Variants in BAZ2B observed in about 807,000 individuals in gnomAD.
The protein encoded by BAZ2B is bromodomain adjacent to zinc finger domain protein 2B.
Under a neutral mutation model 246.0 loss-of-function variants are expected in BAZ2B, and 91 were observed. The ratio of observed to expected loss-of-function variants is 0.37; its 90% CI spans 0.31 to 0.44. The LOEUF is 0.44. BAZ2B is among the 20% of genes least tolerant of loss of function. BAZ2B has a pLI of 1.00. For missense variants in BAZ2B, 2,332 were observed against 2,533.7 expected, an observed-to-expected ratio of 0.92 and a Z score of 1.71; for synonymous variants, 855 against 860.0, an observed-to-expected ratio of 0.99 and a Z score of 0.10.
chr2:159,562,633 T>C (rs1016094367), intron 1 of BAZ2B, among the ~76,000 whole-genome samples: 3 of 152,214 alleles, frequency 2.0e-5, no homozygotes, highest in Admixed American at 2.0e-4. Flanking sequence ...GAAGTTTCAT[T>C]TGAGAAAAAT....
At chr2:159,574,335 A>AAAAC (rs143656549) in intron 1 of BAZ2B, among the ~76,000 whole-genome samples, 1 of 151,630 alleles carries the variant, frequency 6.6e-6, no homozygotes, top group Non-Finnish European at 1.5e-5. Flanking sequence ...GAATGGCTAA[A>AAAAC]AAACAAACAA....
chr2:159,378,458 C>T (rs1031105709), intron 25 of BAZ2B, among the ~76,000 whole-genome samples: 1 of 152,042 alleles, frequency 6.6e-6, no homozygotes, highest in Non-Finnish European at 1.5e-5. Flanking sequence ...AGACAAGTGG[C>T]ACTATATCAA....
chr2:159,684,432 T>TA, the BAZ2B span, among the ~76,000 whole-genome samples: 32 of 152,328 alleles, frequency 2.1e-4, no homozygotes, highest in East Asian at 5.8e-3. Context: ...AAATAAAAAC[T>TA]AAATTATTTA....
chr2:159,420,666 G>A (rs1460943121), intron 13 of BAZ2B, among the ~76,000 whole-genome samples: 2 of 151,986 alleles, frequency 1.3e-5, no homozygotes, highest in Non-Finnish European at 2.9e-5. Flanking sequence ...TTATTTTGAC[G>A]CCTTCCTCTA....
chr2:159,400,115 C>T (rs2149729559), intron 17 of BAZ2B, among the ~76,000 whole-genome samples: 1 of 152,214 alleles, frequency 6.6e-6, no homozygotes, highest in South Asian at 2.1e-4. Flanking sequence ...TTTGCTGTTG[C>T]CAACAGATGT....
At chr2:159,438,774 A>C in intron 7 of BAZ2B, 79 bp from the exon 8 acceptor site, 2 of 1,467,012 alleles carry the variant, frequency 1.4e-6, no homozygotes, top group Non-Finnish European at 9.1e-7. Context: ...TGGAGATAAA[A>C]ACGGGTACTT....
chr2:159,534,976 A>G (rs2151341770), intron 2 of BAZ2B, among the ~76,000 whole-genome samples: 1 of 152,332 alleles, frequency 6.6e-6, no homozygotes, highest in East Asian at 1.9e-4. Flanking sequence ...TAAAAAAGGG[A>G]AAAGTTAACT....
At chr2:159,408,665 T>G (rs1334133857) in intron 14 of BAZ2B, among the ~76,000 whole-genome samples, 16 of 152,192 alleles carry the variant, frequency 1.1e-4, no homozygotes, top group Admixed American at 1.0e-3. Flanking sequence ...ACGTCTGTAA[T>G]CCCAGCACTT....
At position 159,349,952 on chromosome 2, in the gene BAZ2B, T is replaced by C. The variant is rs368427407; in HGVS notation, c.4619A>G (p.Tyr1540Cys). 12 of 1,614,090 alleles carry C rather than the reference T, an allele frequency of 7.4e-6. No individual in the cohort carries two copies. The African/African-American group carries it at 1.2e-4, about 16-fold the overall frequency. ...TAACTGGTCATTGGGGAGAGGACTG[T>C]AGAACTTCCCTGGACCACTTGAACC... is the stretch of plus-strand genomic sequence containing the variant. Reference protein sequence around the residue: ...NTGSSGPGKFYSPLPNDQLLK... With the variant: ...NTGSSGPGKFCSPLPNDQLLK... The change falls in exon 28 of 37, where the codon TAC becomes TGC. Residue 1540 changes from tyrosine (Y) to cysteine (C), a missense_variant. Around this residue, in one of 9 missense-constraint regions of BAZ2B, gnomAD observed 676 missense variants for 668.6 expected, o/e 1.01. Coordinates refer to ENST00000392783, the MANE Select transcript of BAZ2B (RefSeq NM_013450.4).
chr2:159,480,582 GCA>G (rs146050290), intron 2 of BAZ2B, among the ~76,000 whole-genome samples: 43 of 150,474 alleles, frequency 2.9e-4, no homozygotes, highest in South Asian at 6.3e-4. Context: ...GTGTGCGCGT[GCA>G]CACACACACA....
intron 2 of BAZ2B, among the ~76,000 whole-genome samples, chr2:159,536,651 G>A (rs1173245338): frequency 1.3e-5 from 2 of 152,108 alleles, no homozygotes; most frequent in East Asian, 3.8e-4. Flanking sequence ...AGCCAATGAA[G>A]GAAGAAGATC....
the BAZ2B span, among the ~76,000 whole-genome samples, chr2:159,633,428 T>A: frequency 6.6e-6 from 1 of 152,212 alleles, no homozygotes; most frequent in East Asian, 1.9e-4. Flanking sequence ...CTCAGTGTGT[T>A]AAAGAGGCCA....
chr2:159,429,072 C>T, intron 11 of BAZ2B, 128 bp downstream of exon 11: 1 of 572,912 alleles, frequency 1.7e-6, no homozygotes, highest in Non-Finnish European at 2.8e-6. Flanking sequence ...TCCGGCTCTT[C>T]TGCTCTAATA....
intron 2 of BAZ2B, among the ~76,000 whole-genome samples, chr2:159,508,712 C>G (rs936458086): frequency 6.6e-6 from 1 of 152,108 alleles, no homozygotes; most frequent in Admixed American, 6.5e-5. Context: ...ACCCCCTGAC[C>G]AGAAATTTAA....
chr2:159,504,521 C>T (rs1188532582), intron 2 of BAZ2B, among the ~76,000 whole-genome samples: 1 of 152,172 alleles, frequency 6.6e-6, no homozygotes, highest in Non-Finnish European at 1.5e-5. Context: ...TAAAATTTAA[C>T]TTGCCAACCA....
chr2:159,577,682 G>A (rs1167284827), intron 1 of BAZ2B, among the ~76,000 whole-genome samples: 1 of 152,092 alleles, frequency 6.6e-6, no homozygotes, highest in East Asian at 1.9e-4. Context: ...TAACAATTAT[G>A]TGACAAGACT....
At chr2:159,524,265 T>A (rs1423347393) in intron 2 of BAZ2B, among the ~76,000 whole-genome samples, 3 of 151,550 alleles carry the variant, frequency 2.0e-5, no homozygotes, top group South Asian at 2.1e-4. Flanking sequence ...ACAAAAATTT[T>A]AAAAAATTAG....
At chr2:159,509,115 T>C (rs1285763962) in intron 2 of BAZ2B, among the ~76,000 whole-genome samples, 1 of 152,162 alleles carries the variant, frequency 6.6e-6, no homozygotes, top group Non-Finnish European at 1.5e-5. Flanking sequence ...AATGAAATCA[T>C]TATAGTCCTC....
In BAZ2B at chr2:159,446,971, T is replaced by C; in HGVS notation, c.507A>G (p.Val169=). The C allele has an allele frequency of 1.3e-6, 2 of 1,551,624 alleles. No individual in the cohort carries two copies. The highest frequency in any genetic ancestry group is 1.7e-6 in the Non-Finnish European group (2 of 1,151,794). The change falls in exon 6 of 37, where the codon GTA becomes GTG. Residue 169 remains valine (V), a synonymous_variant. Coordinates refer to ENST00000392783, the MANE Select transcript of BAZ2B (RefSeq NM_013450.4). The stretch of plus-strand genomic sequence containing the variant: ...TATTACTTCCATTTATTGACCCATT[T>C]ACACCTTGAAAATAAAAATAAACAT... ...KSNRNGPEKG[V]NGSINGSNTS... is the part of the protein sequence containing the mutation.
Sources: gnomAD v4.1 joint callset for allele counts (sites outside exome capture counted in the v4.1 genomes callset) on GRCh38, gnomAD v4.1.1 for gene constraint, gnomAD v4.1.1 regional missense constraint, MANE v1.5 for transcripts, NCBI Gene and HGNC (gene_info 2026-07-23, HGNC 2026-07-21) for gene names.